Variants in DNAAF6 observed in about 807,000 individuals in gnomAD.
The protein encoded by DNAAF6 is PIH1 domain containing 3.
A neutral mutation model predicts 13.7 loss-of-function variants in DNAAF6; 3 were observed. The ratio of observed to expected loss-of-function variants is 0.22; its 90% CI spans 0.10 to 0.56. The LOEUF is 0.56. Among genes scored for constraint, DNAAF6 ranks in the 20% least tolerant of loss-of-function variants. The pLI, the probability that DNAAF6 is intolerant of heterozygous loss-of-function variation, is 0.92. For missense variants in DNAAF6, 130 were observed against 151.0 expected (o/e 0.86, Z 0.73); for synonymous variants, 54 against 49.2 (o/e 1.10, Z -0.41).
intron 6 of DNAAF6, among the ~76,000 whole-genome samples, chrX:107,239,420 A>C (rs907297072): frequency 2.7e-5 from 3 of 111,792 alleles, no homozygotes; most frequent in African/African-American, 9.8e-5. Flanking sequence ...TTTTCATTTA[A>C]ATCAACAAAA....
chrX:107,220,424 G>A (rs1378833625), intron 4 of DNAAF6, among the ~76,000 whole-genome samples: 1 of 112,019 alleles, frequency 8.9e-6, no homozygotes, highest in East Asian at 2.8e-4. Flanking sequence ...TCAAATTTGA[G>A]TAATTTTTCC....
intron 5 of DNAAF6, among the ~76,000 whole-genome samples, chrX:107,228,470 T>C (rs367578506): frequency 2.0e-3 from 218 of 110,270 alleles, no homozygotes; most frequent in African/African-American, 6.8e-3. Flanking sequence ...TTTCAGCTGA[T>C]GACAAGAATC....
intron 1 of DNAAF6, among the ~76,000 whole-genome samples, chrX:107,212,403 C>A (rs1927876334): frequency 9.0e-6 from 1 of 111,246 alleles, no homozygotes; most frequent in Non-Finnish European, 1.9e-5. Flanking sequence ...CTTCTATAGG[C>A]CAGCGTCCTT....
intron 4 of DNAAF6, among the ~76,000 whole-genome samples, chrX:107,221,309 C>G (rs917582273): frequency 9.1e-6 from 1 of 109,779 alleles, no homozygotes; most frequent in Non-Finnish European, 1.9e-5. Flanking sequence ...CCACCGCCCC[C>G]CCGGCCCCGC....
chrX:107,221,015 A>AGGCTGGAGT (rs1928124123), intron 4 of DNAAF6, among the ~76,000 whole-genome samples: 1 of 102,768 alleles, frequency 9.7e-6, no homozygotes, highest in Non-Finnish European at 2.0e-5. Context: ...TCTGTCGCTC[A>AGGCTGGAGT]GGCTGGAGTG....
intron 5 of DNAAF6, among the ~76,000 whole-genome samples, chrX:107,224,211 A>G (rs1602683717): frequency 9.0e-6 from 1 of 111,635 alleles, no homozygotes; most frequent in East Asian, 2.8e-4. Flanking sequence ...TAAATGAACC[A>G]ATTTTATTAT....
intron 3 of DNAAF6, among the ~76,000 whole-genome samples, chrX:107,217,125 A>G (rs146702074): frequency 1.7e-3 from 186 of 112,059 alleles, no homozygotes; most frequent in South Asian, 0.016. Context: ...ATTTACATAT[A>G]AAGATGCTGT....
At chrX:107,238,012 G>T (rs1298976115) in intron 5 of DNAAF6, among the ~76,000 whole-genome samples, 4 of 111,839 alleles carry the variant, frequency 3.6e-5, no homozygotes, top group African/African-American at 3.2e-5. Flanking sequence ...ACAAAAATTT[G>T]CCTATTGTGG....
intron 1 of DNAAF6, among the ~76,000 whole-genome samples, chrX:107,211,812 A>G (rs1302537839): frequency 3.6e-5 from 4 of 111,833 alleles, no homozygotes; most frequent in African/African-American, 1.3e-4. Context: ...ACTTGGCGAC[A>G]AATCTGATGT....
At chrX:107,207,277 C>T (rs1309243744) in intron 1 of DNAAF6, 1 of 111,611 alleles carries the variant, frequency 9.0e-6, no homozygotes, top group Admixed American at 9.5e-5. Flanking sequence ...AACTTGAACG[C>T]TGTGGTCTGA....
intron 1 of DNAAF6, 130 bp downstream of exon 1, chrX:107,206,820 G>A (rs1450820982): frequency 9.0e-6 from 1 of 111,253 alleles, no homozygotes; most frequent in East Asian, 2.8e-4. Flanking sequence ...AGTTGGGCAA[G>A]GTGGAGAAGA....
intron 3 of DNAAF6, 69 bp from the exon 4 acceptor site, chrX:107,218,795 A>G (rs2147829067): frequency 9.6e-7 from 1 of 1,044,085 alleles, no homozygotes. Flanking sequence ...CTGAGTGTGA[A>G]GAAGAACAGG....
At chrX:107,226,302 GT>G (rs1928254680) in intron 5 of DNAAF6, among the ~76,000 whole-genome samples, 1 of 111,632 alleles carries the variant, frequency 9.0e-6, no homozygotes, top group Non-Finnish European at 1.9e-5. Flanking sequence ...ATTTCATTTT[GT>G]TTTGGTTGTT....
At chrX:107,209,441 T>C (rs750508896) in intron 1 of DNAAF6, among the ~76,000 whole-genome samples, 1 of 111,561 alleles carries the variant, frequency 9.0e-6, no homozygotes, top group South Asian at 3.8e-4. Flanking sequence ...GTGACTTTTT[T>C]TGGGGGGCAG....
chrX:107,239,150 T>C, intron 6 of DNAAF6, 143 bp downstream of exon 6: 2 of 903,103 alleles, frequency 2.2e-6, no homozygotes, highest in Non-Finnish European at 1.4e-6. Flanking sequence ...ATGTTTGATC[T>C]ACATTAATAT....
chrX:107,231,126 T>A (rs781229245), intron 5 of DNAAF6, among the ~76,000 whole-genome samples: 2 of 111,901 alleles, frequency 1.8e-5, no homozygotes, highest in Middle Eastern at 4.2e-3. Flanking sequence ...GTAATAGAGA[T>A]ACACTATTCA....
chrX:107,233,359 T>C (rs1928452442), intron 5 of DNAAF6, among the ~76,000 whole-genome samples: 1 of 111,304 alleles, frequency 9.0e-6, no homozygotes, highest in Non-Finnish European at 1.9e-5. Context: ...TAAGACCACC[T>C]AAAATCTACT....
At chrX:107,226,415 A>G (rs934305896) in intron 5 of DNAAF6, among the ~76,000 whole-genome samples, 3 of 111,833 alleles carry the variant, frequency 2.7e-5, no homozygotes, top group African/African-American at 6.5e-5. Context: ...CAGTTTTGCT[A>G]TTGCTGACTA....
At chrX:107,237,800 G>A (rs1039405127) in intron 5 of DNAAF6, among the ~76,000 whole-genome samples, 1 of 111,672 alleles carries the variant, frequency 9.0e-6, no homozygotes, top group African/African-American at 3.3e-5. Flanking sequence ...TGGCTAACAC[G>A]GGGAAACCCC....
Sources: gnomAD v4.1 joint callset for allele counts (sites outside exome capture counted in the v4.1 genomes callset) on GRCh38, gnomAD v4.1.1 for gene constraint, MANE v1.5 for transcripts, NCBI Gene and HGNC (gene_info 2026-07-23, HGNC 2026-07-21) for gene names.